The following ATP10A variants were observed in gnomAD, a reference collection of about 807,000 sequenced individuals.
ATP10A encodes ATPase phospholipid transporting 10A (putative).
ATP10A carries 111 observed loss-of-function variants against 147.8 expected under a neutral mutation model. That is an observed-to-expected ratio of 0.75 (90% CI 0.64 to 0.88). ATP10A has a LOEUF of 0.88. ATP10A is among the 40% of genes least tolerant of loss of function. The probability of loss-of-function intolerance (pLI) is 0.00; values close to 1 mark genes in which losing one functional copy is unlikely to be tolerated. For synonymous variants in ATP10A, 875 were observed against 841.6 expected, an observed-to-expected ratio of 1.04 and a Z score of -0.69; for missense variants, 1,927 against 1,959.0, an observed-to-expected ratio of 0.98 and a Z score of 0.31.
At chr15:25,793,079 C>T (rs906667660) in intron 1 of ATP10A, among the ~76,000 whole-genome samples, 4 of 152,072 alleles carry the variant, frequency 2.6e-5, no homozygotes, top group African/African-American at 4.8e-5. Context: ...CCATGTTGGT[C>T]AGGCTGGTCT....
chr15:25,806,601 C>T (rs569393434), intron 1 of ATP10A, among the ~76,000 whole-genome samples: 1 of 152,130 alleles, frequency 6.6e-6, no homozygotes, highest in Non-Finnish European at 1.5e-5. Flanking sequence ...TGTGAGCCAC[C>T]GCACCCAGCC....
intron 15 of ATP10A, among the ~76,000 whole-genome samples, chr15:25,690,814 G>A (rs937632674): frequency 6.6e-6 from 1 of 152,166 alleles, no homozygotes; most frequent in Non-Finnish European, 1.5e-5. Context: ...TCAATTTTCT[G>A]GAGGAAGAAA....
chr15:25,839,608 A>G (rs1892726874), intron 1 of ATP10A, among the ~76,000 whole-genome samples: 1 of 152,072 alleles, frequency 6.6e-6, no homozygotes, highest in Non-Finnish European at 1.5e-5. Context: ...CATTCCCACC[A>G]CTGGGCACTC....
At chr15:25,743,813 C>T (rs768229332) in intron 2 of ATP10A, among the ~76,000 whole-genome samples, 10 of 152,166 alleles carry the variant, frequency 6.6e-5, no homozygotes, top group Non-Finnish European at 1.5e-4. Context: ...CTTCTTAAGT[C>T]ACATTCCCTG....
intron 1 of ATP10A, among the ~76,000 whole-genome samples, chr15:25,837,269 C>A (rs1252673654): frequency 1.3e-5 from 2 of 152,144 alleles, no homozygotes; most frequent in Non-Finnish European, 2.9e-5. Context: ...ACAGAAGCAA[C>A]CTAAGTGTCC....
At chr15:25,757,642 A>C (rs1325432105) in intron 2 of ATP10A, among the ~76,000 whole-genome samples, 1 of 152,228 alleles carries the variant, frequency 6.6e-6, no homozygotes, top group Non-Finnish European at 1.5e-5. Context: ...TTTTGGTAAA[A>C]AATTAAAAAG....
intron 2 of ATP10A, among the ~76,000 whole-genome samples, chr15:25,778,233 A>G (rs1359614974): frequency 6.6e-6 from 1 of 152,194 alleles, no homozygotes; most frequent in East Asian, 1.9e-4. Context: ...AAAATATTAT[A>G]TTGTATTTCA....
chr15:25,672,390 C>A (rs953840987), downstream of ATP10A, among the ~76,000 whole-genome samples: 1 of 152,178 alleles, frequency 6.6e-6, no homozygotes, highest in Admixed American at 6.5e-5. Context: ...ATTCATCTGT[C>A]GGCCGACATG....
chr15:25,711,403 C>A (rs1020085461), intron 10 of ATP10A, among the ~76,000 whole-genome samples: 10 of 152,062 alleles, frequency 6.6e-5, no homozygotes, highest in Non-Finnish European at 4.4e-5. Context: ...ACCCCTCCAC[C>A]GCTCCCCAAG....
intron 2 of ATP10A, among the ~76,000 whole-genome samples, chr15:25,772,992 T>C (rs144479041): frequency 5.1e-4 from 77 of 152,254 alleles, no homozygotes; most frequent in Middle Eastern, 3.4e-3. Context: ...TCATTAGCAA[T>C]GGTGAAAAAG....
rs866573734 is a variant in ATP10A at position 25,858,741 on chromosome 15, C to A, written c.449+3907G>T. ...AGACACTGAGATGCTGCCCTCAGAC[C>A]CAAGCACAGAGCCCAGAAGATTCAG... On this transcript the variant is annotated intron_variant, in intron 1 of 20. Coordinates refer to ENST00000555815, the MANE Select transcript of ATP10A (RefSeq NM_024490.4). 1.1e-4 allele frequency among the ~76,000 whole-genome samples: 17 copies of A among 152,204 alleles called. 1 individual carries two copies. In the Middle Eastern group the frequency reaches 0.017, roughly 152 times the overall value.
intron 2 of ATP10A, among the ~76,000 whole-genome samples, chr15:25,754,328 G>A (rs148183315): frequency 6.9e-4 from 105 of 152,230 alleles, no homozygotes; most frequent in African/African-American, 2.4e-3. Flanking sequence ...TAGAGATGAG[G>A]TTTCACTGTG....
At chr15:25,845,621 A>T (rs1420630802) in intron 1 of ATP10A, among the ~76,000 whole-genome samples, 1 of 152,106 alleles carries the variant, frequency 6.6e-6, no homozygotes, top group Non-Finnish European at 1.5e-5. Context: ...CCAAAGGACT[A>T]CAGGGAGGGG....
rs530386947 is a variant in ATP10A, at chr15:25,681,450, A to T, written c.3493-376T>A. Among the ~76,000 whole-genome samples the T allele has an allele frequency of 1.1e-4, 17 of 152,308 alleles. No homozygotes were observed. The South Asian group carries it at 2.9e-3, about 26-fold the overall frequency. On this transcript the variant is annotated intron_variant, in intron 17 of 20. Coordinates refer to ENST00000555815, the MANE Select transcript of ATP10A (RefSeq NM_024490.4). ...ACCTCGCTAAATATGCACATAGCTT[A>T]CTACAGCACACACATTCCCATTGCA...
Position 25,863,133 on chromosome 15 carries a change from A to ACGCCCGCCCG in ATP10A, c.-47_-38dup, listed in dbSNP as rs1399378796. 3 of 1,119,810 alleles carry ACGCCCGCCCG rather than the reference A, an allele frequency of 2.7e-6. No homozygotes were observed. In the African/African-American group the frequency reaches 5.0e-5, roughly 19 times the overall value. 69.4% of individuals were successfully genotyped at this position (1,119,810 alleles called of 1,614,324 possible). ...GCCGCGCCCGGCTCCTCCGCCGCTC[A>ACGCCCGCCCG]CGCCCGCCCGCGCCGGCCTCTTAGG... On this transcript the variant is annotated 5_prime_UTR_variant, in exon 1 of 21. Transcript: ENST00000555815.
At chr15:25,840,771 T>C (rs756019570) in intron 1 of ATP10A, among the ~76,000 whole-genome samples, 3 of 152,164 alleles carry the variant, frequency 2.0e-5, no homozygotes, top group Non-Finnish European at 2.9e-5. Context: ...CACAGCAACG[T>C]AGGAGAGATC....
At chr15:25,741,309 G>A (rs1341337643) in intron 2 of ATP10A, among the ~76,000 whole-genome samples, 12 of 152,118 alleles carry the variant, frequency 7.9e-5, no homozygotes, top group East Asian at 5.8e-4. Flanking sequence ...CCAGAACTCC[G>A]TGCTGGGCTC....
At chr15:25,745,045 G>A (rs1467067260) in intron 2 of ATP10A, among the ~76,000 whole-genome samples, 3 of 152,220 alleles carry the variant, frequency 2.0e-5, no homozygotes, top group African/African-American at 7.2e-5. Context: ...GGAAATTGGG[G>A]CCGGGCGCGG....
rs371008233 is a variant in ATP10A at position 25,799,288 on chromosome 15, C to T, written c.450-18065G>A. Reference sequence around the variant, plus strand: ...TCCCTGCCTTCCTCATAAAAACCCCCGTTATGTCCAAACGCAGGTCGGATT... The same window carrying T: ...TCCCTGCCTTCCTCATAAAAACCCCTGTTATGTCCAAACGCAGGTCGGATT... On this transcript the variant is annotated intron_variant, in intron 1 of 20. Coordinates refer to ENST00000555815, the MANE Select transcript of ATP10A (RefSeq NM_024490.4). Among the ~76,000 whole-genome samples, 174 of 152,236 alleles carry T rather than the reference C, an allele frequency of 1.1e-3. 2 individuals carry two copies. The highest frequency in any genetic ancestry group is 3.8e-3 in the African/African-American group (157 of 41,550).
Sources: allele counts gnomAD v4.1 joint callset (sites outside exome capture counted in the v4.1 genomes callset), GRCh38; gene constraint gnomAD v4.1.1; transcripts MANE v1.5; gene names NCBI Gene and HGNC (gene_info 2026-07-23, HGNC 2026-07-21).